ZNF629: variants seen among roughly 807,000 people sequenced by gnomAD.
ZNF629 encodes DNA-binding protein.
Under a neutral mutation model 59.7 loss-of-function variants are expected in ZNF629, and 9 were observed. The ratio of observed to expected loss-of-function variants is 0.15; its 90% CI spans 0.09 to 0.26. The LOEUF is 0.26. ZNF629 is among the 10% of genes least tolerant of loss of function. ZNF629 has a pLI of 1.00. For synonymous variants in ZNF629, 509 were observed against 498.9 expected (o/e 1.02, Z -0.27); for missense variants, 853 against 1,165.4 (o/e 0.73, Z 3.90).
In ZNF629 at chr16:30,784,229, C is replaced by T; in HGVS notation, c.99G>A (p.Glu33=). Residue 33 remains glutamate (E), a synonymous_variant, in exon 3 of 3, where the codon GAG becomes GAA. Transcript: ENST00000262525. ...CCCCAGAACTTTCCTGCCGAGGGCT[C>T]TCCTCTTCGTTTTCACTCTCGGCAC... ...HRGAESENEE[E]SPRQESSGEE... The T allele has an allele frequency of 6.2e-7, 1 of 1,604,824 alleles. No individual in the cohort carries two copies. Among genetic ancestry groups the T allele is most frequent in the East Asian group, 2.2e-5 (1 of 44,790 alleles).
Position 30,780,455 on chromosome 16 carries a change from G to A in ZNF629, c.*1263C>T, listed in dbSNP as rs1360888462. 1.3e-5 allele frequency: 2 copies of A among 152,652 alleles called. No individual in the cohort carries two copies. The highest frequency in any genetic ancestry group is 2.4e-5 in the African/African-American group (1 of 41,460). 9.5% of individuals were successfully genotyped at this position (152,652 alleles called of 1,614,324 possible). On this transcript the variant is annotated 3_prime_UTR_variant, in exon 3 of 3. Coordinates refer to ENST00000262525, the MANE Select transcript of ZNF629 (RefSeq NM_001080417.3). ...CCCTGATGACTTGGAGAAGGCTGGG[G>A]AGGCCCACACGCAGGCCCTAAGTCT...
rs2151345374 is a variant in ZNF629 at position 30,786,973 on chromosome 16, G to T, written c.-34+55C>A. On this transcript the variant is annotated intron_variant, in intron 1 of 2. Coordinates refer to ENST00000262525, the MANE Select transcript of ZNF629 (RefSeq NM_001080417.3). This position sits in a 1 kb window ranked among gnomAD's most constrained non-coding sequence, Gnocchi z 4.8. Reference sequence around the variant, plus strand: ...CTCCCGGGCCCCATTGTTCCCCGGCGGCCGTCCCGGGCACTCCAGGCCACC... The same window carrying T: ...CTCCCGGGCCCCATTGTTCCCCGGCTGCCGTCCCGGGCACTCCAGGCCACC... 6.6e-6 allele frequency: 1 copy of T among 152,132 alleles called. No homozygotes were observed. Among genetic ancestry groups the T allele is most frequent in the South Asian group, 2.1e-4 (1 of 4,814 alleles). The allele number at this position is 152,132 out of a possible 1,614,324, so 9.4% of individuals were successfully genotyped here.
chr16:30,781,528 G>T lies in ZNF629; in HGVS notation c.*190C>A. On this transcript the variant is annotated 3_prime_UTR_variant, in exon 3 of 3. Coordinates refer to ENST00000262525, the MANE Select transcript of ZNF629 (RefSeq NM_001080417.3). ...AGTTTTTCTCTACTGCCTTATAAGT[G>T]CTTCCCACCAACAATTTTATAGGGT... 2.1e-6 allele frequency: 1 copy of T among 475,550 alleles called. No individual in the cohort carries two copies. Among genetic ancestry groups the T allele is most frequent in the Non-Finnish European group, 3.5e-6 (1 of 284,186 alleles). The allele number at this position is 475,550 out of a possible 1,614,324, so 29.5% of individuals were successfully genotyped here. A position where few individuals can be genotyped will look rare whatever the true frequency, so the allele number is the denominator to read the frequency against.
At position 30,782,511 on chromosome 16, in the gene ZNF629, T is replaced by C. The variant is rs1159848094; in HGVS notation, c.1817A>G (p.His606Arg). 2 of 1,564,652 alleles carry C rather than the reference T, an allele frequency of 1.3e-6. No homozygotes were observed. The highest frequency in any genetic ancestry group is 1.4e-5 in the African/African-American group (1 of 73,724). Residue 606 changes from histidine (H) to arginine (R), a missense_variant, in exon 3 of 3, where the codon CAC becomes CGC. This residue lies in a region of ZNF629 where 420 missense variants were observed against 435.6 expected (regional missense o/e 0.96). Coordinates refer to ENST00000262525, the MANE Select transcript of ZNF629 (RefSeq NM_001080417.3). The part of the protein sequence containing the change: ...PYKNADGLIA[H>R]AAPKPPQLRS... Reference sequence around the variant, plus strand: ...TAACTGAGGAGGTTTGGGGGCTGCGTGTGCGATGAGGCCGTCTGCATTTTT... The same window carrying C: ...TAACTGAGGAGGTTTGGGGGCTGCGCGTGCGATGAGGCCGTCTGCATTTTT...
rs755779055 is a variant in ZNF629 at position 30,781,931 on chromosome 16, C to T, written c.2397G>A (p.Glu799=). The T allele has an allele frequency of 3.9e-6, 6 of 1,534,808 alleles. No homozygotes were observed. Among genetic ancestry groups the T allele is most frequent in the South Asian group, 1.3e-5 (1 of 78,112 alleles). Residue 799 remains glutamate, a synonymous_variant, in exon 3 of 3, where the codon GAG becomes GAA. Transcript: ENST00000262525. ...THTQEKPPNP[E]DPPPEAVTLS... is the part of the protein sequence containing the mutation. ...GGGTGACTGCCTCTGGAGGGGGGTC[C>T]TCGGGATTGGGGGGTTTTTCCTGGG...
Position 30,781,563 on chromosome 16 carries a change from C to T in ZNF629, c.*155G>A, listed in dbSNP as rs2054280928. 1.5e-6 allele frequency: 1 copy of T among 658,478 alleles called. No homozygotes were observed. Among genetic ancestry groups the T allele is most frequent in the South Asian group, 3.4e-5 (1 of 29,754 alleles). 40.8% of individuals were successfully genotyped at this position (658,478 alleles called of 1,614,324 possible). ...AACAATTTTATAGGGTTTCTCATCA[C>T]TGATGTAAAAGCACTATTTTTTCCC... is the stretch of plus-strand genomic sequence containing the variant. On this transcript the variant is annotated 3_prime_UTR_variant, in exon 3 of 3. Coordinates refer to ENST00000262525, the MANE Select transcript of ZNF629 (RefSeq NM_001080417.3).
At position 30,782,536 on chromosome 16, in the gene ZNF629, T is replaced by G; in HGVS notation, c.1792A>C (p.Lys598Gln). ...TGTGCGATGAGGCCGTCTGCATTTT[T>G]GTAGGGGTTTTCTCCGATGTGGATC... ...QRIHIGENPYKNADGLIAHAA... is the reference protein window; with the variant it reads ...QRIHIGENPYQNADGLIAHAA... The change falls in exon 3 of 3, where the codon AAA (lysine) becomes CAA (glutamine). Residue 598 changes from lysine (K) to glutamine (Q), a missense_variant. Lys to Gln is a moderately conservative substitution (Grantham distance 53). Coordinates refer to ENST00000262525, the MANE Select transcript of ZNF629 (RefSeq NM_001080417.3). 6.4e-7 allele frequency: 1 copy of G among 1,561,042 alleles called. No homozygotes were observed. Among genetic ancestry groups the G allele is most frequent in the Non-Finnish European group, 8.7e-7 (1 of 1,151,852 alleles).
chr16:30,779,034 GAGGT>G lies in ZNF629; in HGVS notation c.*2680_*2683del, dbSNP rs2054258557. ...AAGCTCCTGGTTAAAGGAGCTTGGG[GAGGT>G]GGGCAAGAGAGAACACGCCACACCC... On this transcript the variant is annotated 3_prime_UTR_variant, in exon 3 of 3. Transcript: ENST00000262525. 1 of 152,260 alleles carries G rather than the reference GAGGT, an allele frequency of 6.6e-6. No homozygotes were observed. The highest frequency in any genetic ancestry group is 2.4e-5 in the African/African-American group (1 of 41,422). 9.4% of individuals were successfully genotyped at this position (152,260 alleles called of 1,614,324 possible). A position where few individuals can be genotyped will look rare whatever the true frequency, so the allele number is the denominator to read the frequency against.
rs1278998722 is a variant in ZNF629, at chr16:30,779,449, G to A, written c.*2269C>T. 1 of 152,204 alleles carries A rather than the reference G, an allele frequency of 6.6e-6. No homozygotes were observed. Among genetic ancestry groups the A allele is most frequent in the Admixed American group, 6.5e-5 (1 of 15,278 alleles). The allele number at this position is 152,204 out of a possible 1,614,324, so 9.4% of individuals were successfully genotyped here. A position where few individuals can be genotyped will look rare whatever the true frequency, so the allele number is the denominator to read the frequency against. On this transcript the variant is annotated 3_prime_UTR_variant, in exon 3 of 3. Transcript: ENST00000262525. ...ACTTGGCAGACTTCTCATTCTTACAGGGCACCCCCTTCGTTGGCGTTCTGT... is the reference window on the plus strand; with the variant it reads ...ACTTGGCAGACTTCTCATTCTTACAAGGCACCCCCTTCGTTGGCGTTCTGT...
rs537430493 is a variant in ZNF629, at chr16:30,786,653, C to A, written c.-34+375G>T. Among the ~76,000 whole-genome samples, 1 of 151,430 alleles carries A rather than the reference C, an allele frequency of 6.6e-6. No homozygotes were observed. The highest frequency in any genetic ancestry group is 2.0e-4 in the East Asian group (1 of 5,104). ...CCGCTTGGCTCCGGACTTCTGCTCCCCCGGAGCCGCGACCCCCGTCCCGCT... is the reference window on the plus strand; with the variant it reads ...CCGCTTGGCTCCGGACTTCTGCTCCACCGGAGCCGCGACCCCCGTCCCGCT... On this transcript the variant is annotated intron_variant, in intron 1 of 2. Coordinates refer to ENST00000262525, the MANE Select transcript of ZNF629 (RefSeq NM_001080417.3). The surrounding 1 kb of genome is among the most constrained non-coding windows in gnomAD (Gnocchi z 4.8).
rs897927925 is a variant in ZNF629 at position 30,782,022 on chromosome 16, C to G, written c.2306G>C (p.Arg769Pro). Residue 769 changes from arginine to proline, a missense_variant, in exon 3 of 3, where the codon CGC becomes CCC. Arg to Pro is a moderately radical substitution (Grantham distance 103). This residue lies in a region of ZNF629 where 420 missense variants were observed against 435.6 expected (regional missense o/e 0.96). Coordinates refer to ENST00000262525, the MANE Select transcript of ZNF629 (RefSeq NM_001080417.3). The stretch of plus-strand genomic sequence containing the variant: ...GAAGGAGGCCCTGCAATCTGAGCAG[C>G]GGTAGGGTCTGGCCCCCAGGGGGCT... ...LRSPLGARPYRCSDCRASFLD... is the reference protein window; with the variant it reads ...LRSPLGARPYPCSDCRASFLD... 21 of 1,575,396 alleles carry G rather than the reference C, an allele frequency of 1.3e-5. No individual in the cohort carries two copies. The highest frequency in any genetic ancestry group is 1.8e-5 in the Non-Finnish European group (21 of 1,160,834).
At position 30,782,281 on chromosome 16, in the gene ZNF629, T is replaced by A. The variant is rs764769581; in HGVS notation, c.2047A>T (p.Thr683Ser). Reference sequence around the variant, plus strand: ...AGAAAGGGCTTTTCGTTGCCGTGGGTGAGCTGATGCTGGAGGAGCACAGAG... The same window carrying A: ...AGAAAGGGCTTTTCGTTGCCGTGGGAGAGCTGATGCTGGAGGAGCACAGAG... ...DRSVLLQHQL[T>S]HGNEKPFLFP... Residue 683 changes from threonine to serine, a missense_variant, in exon 3 of 3, where the codon ACC becomes TCC. This residue lies in a region of ZNF629 where 420 missense variants were observed against 435.6 expected (regional missense o/e 0.96). Transcript: ENST00000262525. The A allele has an allele frequency of 6.2e-7, 1 of 1,612,688 alleles. No individual in the cohort carries two copies. The highest frequency in any genetic ancestry group is 8.5e-7 in the Non-Finnish European group (1 of 1,179,270).
Position 30,786,572 on chromosome 16 carries a change from A to C in ZNF629, c.-34+456T>G, listed in dbSNP as rs988353644. 2.0e-5 allele frequency among the ~76,000 whole-genome samples: 3 copies of C among 152,008 alleles called. No homozygotes were observed. The highest frequency in any genetic ancestry group is 4.4e-5 in the Non-Finnish European group (3 of 67,954). On this transcript the variant is annotated intron_variant, in intron 1 of 2. Coordinates refer to ENST00000262525, the MANE Select transcript of ZNF629 (RefSeq NM_001080417.3). The surrounding 1 kb of genome is among the most constrained non-coding windows in gnomAD (Gnocchi z 4.8). ...TCCCGAGAGATGTGGGGAACGGCCCAGGGTGACCCTGACATGGAGGCGGCG... is the reference window on the plus strand; with the variant it reads ...TCCCGAGAGATGTGGGGAACGGCCCCGGGTGACCCTGACATGGAGGCGGCG...
At position 30,782,541 on chromosome 16, in the gene ZNF629, G is replaced by T; in HGVS notation, c.1787C>A (p.Pro596His). 2 of 1,560,604 alleles carry T rather than the reference G, an allele frequency of 1.3e-6. No individual in the cohort carries two copies. The highest frequency in any genetic ancestry group is 2.4e-5 in the East Asian group (1 of 41,746). The change falls in exon 3 of 3, where the codon CCC becomes CAC. Residue 596 changes from proline to histidine, a missense_variant. Pro to His is a moderately conservative substitution (Grantham distance 77). This residue lies in a region of ZNF629 where 420 missense variants were observed against 435.6 expected (regional missense o/e 0.96). Transcript: ENST00000262525. ...GATGAGGCCGTCTGCATTTTTGTAG[G>T]GGTTTTCTCCGATGTGGATCCTCTG... Reference protein sequence around the residue: ...QHQRIHIGENPYKNADGLIAH... With the variant: ...QHQRIHIGENHYKNADGLIAH...
Position 30,782,702 on chromosome 16 carries a change from T to C in ZNF629, c.1626A>G (p.Pro542=), listed in dbSNP as rs781592962. ...GGCTGTCGCCCTGGGCCCTACGCGC[T>C]GGGGTCTTCCCCCTCTCATGGATCA... ...HRVIHERGKT[P]ARRAQGDSLL... The change falls in exon 3 of 3, where the codon CCA becomes CCG. Residue 542 remains proline (P), a synonymous_variant. Transcript: ENST00000262525. 2 of 1,611,750 alleles carry C rather than the reference T, an allele frequency of 1.2e-6. No individual in the cohort carries two copies. The highest frequency in any genetic ancestry group is 3.4e-5 in the Admixed American group (2 of 59,624).
Position 30,782,601 on chromosome 16 carries a change from T to G in ZNF629, c.1727A>C (p.Lys576Thr), listed in dbSNP as rs2054293276. Residue 576 changes from lysine (K) to threonine (T), a missense_variant, in exon 3 of 3, where the codon AAG (lysine) becomes ACG (threonine). Physicochemically the swap from Lys to Thr is moderately conservative, Grantham distance 78. Transcript: ENST00000262525. ...GAAGATGCCCTCGTCGTTGAAGCCC[T>G]TTCCGCACACGAGACACTTGTGCGG... Reference protein sequence around the residue: ...AKPHKCLVCGKGFNDEGIFMQ... With the variant: ...AKPHKCLVCGTGFNDEGIFMQ... 6.4e-7 allele frequency: 1 copy of G among 1,563,714 alleles called. No individual in the cohort carries two copies. Among genetic ancestry groups the G allele is most frequent in the East Asian group, 2.4e-5 (1 of 41,806 alleles).
rs2054294377 is a variant in ZNF629, at chr16:30,782,657, G to A, written c.1671C>T (p.Pro557=). ...CTCCCGGCGGCGGGGTCAGCAGGGA[G>A]GGGTCCCCGAGCCCCAGCAGGCTGT... ...QGDSLLGLGD[P]SLLTPPPGAK... is the part of the protein sequence containing the mutation. The change falls in exon 3 of 3, where the codon CCC becomes CCT. Residue 557 remains proline (P), a synonymous_variant. Transcript: ENST00000262525. The A allele has an allele frequency of 1.3e-6, 2 of 1,584,234 alleles. No homozygotes were observed. Among genetic ancestry groups the A allele is most frequent in the Admixed American group, 3.7e-5 (2 of 54,168 alleles).
At chr16:30,784,361 C>T in intron 2 of ZNF629, 49 bp downstream of exon 2, 1 of 1,544,774 alleles carries the variant, frequency 6.5e-7, no homozygotes. Context: ...CCTCCCTGAG[C>T]CGGGACCACC....
chr16:30,782,328 C>T lies in ZNF629; in HGVS notation c.2000G>A (p.Cys667Tyr). ...AGAGCGATCCAGGAAGCTCTCTCCG[C>T]AGTGGGAGCAGATGTAGGTCTTGGA... Reference protein sequence around the residue: ...LSSKTYICSHCGESFLDRSVL... With the variant: ...LSSKTYICSHYGESFLDRSVL... The change falls in exon 3 of 3, where the codon TGC (cysteine) becomes TAC (tyrosine). Residue 667 changes from cysteine (C) to tyrosine (Y), a missense_variant. Cys to Tyr is a radical substitution (Grantham distance 194). This residue lies in a region of ZNF629 where 420 missense variants were observed against 435.6 expected (regional missense o/e 0.96). Coordinates refer to ENST00000262525, the MANE Select transcript of ZNF629 (RefSeq NM_001080417.3). 6.2e-7 allele frequency: 1 copy of T among 1,601,366 alleles called. No homozygotes were observed. Among genetic ancestry groups the T allele is most frequent in the Non-Finnish European group, 8.5e-7 (1 of 1,173,614 alleles).
Sources: allele counts gnomAD v4.1 joint callset (sites outside exome capture counted in the v4.1 genomes callset), GRCh38; gene constraint gnomAD v4.1.1; regional missense constraint gnomAD v4.1.1; non-coding constraint Gnocchi (gnomAD v3.1); transcripts MANE v1.5; gene names NCBI Gene and HGNC (gene_info 2026-07-23, HGNC 2026-07-21).